The following GZF1 variants were observed in gnomAD, a reference collection of about 807,000 sequenced individuals.
GZF1 encodes GDNF-inducible zinc finger protein 1.
Under a neutral mutation model 49.4 loss-of-function variants are expected in GZF1, and 28 were observed. That is an observed-to-expected ratio of 0.57 (90% confidence interval 0.42 to 0.78). The LOEUF (loss-of-function observed/expected upper bound fraction) is 0.78, where lower values mean the gene tolerates loss of function less well. Among genes scored for constraint, GZF1 ranks in the 30% least tolerant of loss-of-function variants. GZF1 has a pLI of 0.00. For missense variants in GZF1, 798 were observed against 916.2 expected, an observed-to-expected ratio of 0.87 and a Z score of 1.67; for synonymous variants, 364 against 356.0, an observed-to-expected ratio of 1.02 and a Z score of -0.25.
chr20:23,361,743 G>T (rs1159243664), upstream of GZF1, among the ~76,000 whole-genome samples: 2 of 152,238 alleles, frequency 1.3e-5, no homozygotes, highest in Non-Finnish European at 2.9e-5. Flanking sequence ...CGGCCTCGGG[G>T]ACGTGAGCAG....
At position 23,369,838 on chromosome 20, in the gene GZF1, C is replaced by T. The variant is rs1051232674; in HGVS notation, c.1785+97C>T. 64 of 1,325,474 alleles carry T rather than the reference C, an allele frequency of 4.8e-5. 2 individuals are homozygous for T. The Admixed American group carries it at 1.2e-3, about 25-fold the overall frequency. 82.1% of individuals were successfully genotyped at this position (1,325,474 alleles called of 1,614,324 possible). On this transcript the variant is annotated intron_variant, in intron 5 of 5. Transcript: ENST00000338121. Reference sequence around the variant, plus strand: ...ACCATTCTCCAAGGTGGTTAGAGGTCGAGACAACAGGTACTTTCTCCTTGG... The same window carrying T: ...ACCATTCTCCAAGGTGGTTAGAGGTTGAGACAACAGGTACTTTCTCCTTGG...
chr20:23,364,229 A>G (rs1427339932), intron 1 of GZF1, 134 bp from the exon 2 acceptor site: 1 of 536,296 alleles, frequency 1.9e-6, no homozygotes, highest in Non-Finnish European at 3.2e-6. Flanking sequence ...GTAAAATGTC[A>G]TTCGAATCTT....
chr20:23,365,228 G>T lies in GZF1; in HGVS notation c.845G>T (p.Cys282Phe). The stretch of plus-strand genomic sequence containing the variant: ...GAGCAGGTTTCCAAAAATGAGGGTT[G>T]CCAGGCAGGTGCTGAGTTGGAGGAA... ...EMEQVSKNEGCQAGAELEELS... is the reference protein window; with the variant it reads ...EMEQVSKNEGFQAGAELEELS... Residue 282 changes from cysteine (C) to phenylalanine (F), a missense_variant, in exon 2 of 6, where the codon TGC (cysteine) becomes TTC (phenylalanine). This residue lies in a region of GZF1 where 247 missense variants were observed against 228.5 expected (regional missense o/e 1.08). Transcript: ENST00000338121. 6.2e-7 allele frequency: 1 copy of T among 1,603,150 alleles called. No homozygotes were observed. Among genetic ancestry groups the T allele is most frequent in the Non-Finnish European group, 8.5e-7 (1 of 1,174,058 alleles).
chr20:23,361,660 A>T (rs932420803), upstream of GZF1, among the ~76,000 whole-genome samples: 6 of 152,182 alleles, frequency 3.9e-5, no homozygotes, highest in Non-Finnish European at 1.5e-5. Flanking sequence ...CCTAGTAGCC[A>T]AGGTGAGTAC....
intron 3 of GZF1, among the ~76,000 whole-genome samples, 189 bp from the exon 4 acceptor site, chr20:23,368,573 C>T (rs549393680): frequency 6.6e-6 from 1 of 152,282 alleles, no homozygotes; most frequent in South Asian, 2.1e-4. Flanking sequence ...GGATATTTTA[C>T]ACCAACTTTC....
intron 3 of GZF1, 126 bp from the exon 4 acceptor site, chr20:23,368,636 G>T: frequency 2.0e-6 from 1 of 503,026 alleles, no homozygotes; most frequent in Admixed American, 4.0e-5. Flanking sequence ...GTTTTTACTG[G>T]AAAATGTAAC....
chr20:23,364,448 A>G lies in GZF1; in HGVS notation c.65A>G (p.His22Arg). 1.2e-6 allele frequency: 2 copies of G among 1,614,036 alleles called. No individual in the cohort carries two copies. Among genetic ancestry groups the G allele is most frequent in the Non-Finnish European group, 1.7e-6 (2 of 1,179,896 alleles). The change falls in exon 2 of 6, where the codon CAT (histidine) becomes CGT (arginine). Residue 22 changes from histidine to arginine, a missense_variant. Around this residue, in one of 3 missense-constraint regions of GZF1, gnomAD observed 105 missense variants for 147.5 expected, o/e 0.71. Coordinates refer to ENST00000338121, the MANE Select transcript of GZF1 (RefSeq NM_022482.5). ...SSPFNLLHEM[H>R]ELRLLGHLCD... ...CCATTTAACCTACTGCATGAGATGCATGAGCTTCGCCTCCTGGGTCACCTG... is the reference window on the plus strand; with the variant it reads ...CCATTTAACCTACTGCATGAGATGCGTGAGCTTCGCCTCCTGGGTCACCTG...
chr20:23,372,560 T>C lies in GZF1; in HGVS notation c.*2119T>C, dbSNP rs1982177202. On this transcript the variant is annotated 3_prime_UTR_variant, in exon 6 of 6. Transcript: ENST00000338121. ...CAATGTAAAAAGTAGGCATCAAAGATACGACTTCTACTATATACATTTCTC... is the reference window on the plus strand; with the variant it reads ...CAATGTAAAAAGTAGGCATCAAAGACACGACTTCTACTATATACATTTCTC... 1 of 152,204 alleles carries C rather than the reference T, an allele frequency of 6.6e-6. No homozygotes were observed. The highest frequency in any genetic ancestry group is 1.5e-5 in the Non-Finnish European group (1 of 68,036). 9.4% of individuals were successfully genotyped at this position (152,204 alleles called of 1,614,324 possible).
Position 23,367,046 on chromosome 20 carries a change from G to T in GZF1, c.1408G>T (p.Ala470Ser). ...ACCTTTTGTCTGTGATGAATGTGGT[G>T]CAAGATTCACTCAGAACCACATGCT... ...EKPFVCDECG[A>S]RFTQNHMLIY... Residue 470 changes from alanine (A) to serine (S), a missense_variant, in exon 3 of 6, where the codon GCA becomes TCA. Transcript: ENST00000338121. The T allele has an allele frequency of 6.2e-7, 1 of 1,613,282 alleles. No homozygotes were observed. The highest frequency in any genetic ancestry group is 1.1e-5 in the South Asian group (1 of 91,082).
chr20:23,366,950 A>G, intron 2 of GZF1, 53 bp from the exon 3 acceptor site: 2 of 1,278,932 alleles, frequency 1.6e-6, no homozygotes, highest in Non-Finnish European at 2.3e-6. Context: ...ATTGTATTGC[A>G]AAGTGAGCTT....
intron 4 of GZF1, 135 bp downstream of exon 4, chr20:23,369,064 C>T (rs1019816276): frequency 1.5e-6 from 1 of 684,618 alleles, no homozygotes. Flanking sequence ...GTCATAATAG[C>T]ATTTCTTTAG....
chr20:23,362,795 A>G (rs1354506096), intron 1 of GZF1: 2 of 152,292 alleles, frequency 1.3e-5, no homozygotes, highest in Admixed American at 6.5e-5. Context: ...GCACTCCAGT[A>G]GCCAAGCAAC....
At chr20:23,367,201 G>C (rs975798951) in intron 3 of GZF1, 104 bp downstream of exon 3, 2 of 763,840 alleles carry the variant, frequency 2.6e-6, no homozygotes, top group Non-Finnish European at 4.5e-6. Context: ...GCAGGTTAAA[G>C]CCATGATATA....
rs3746733 is a variant in GZF1 at position 23,369,112 on chromosome 20, C to T, written c.1627+183C>T. On this transcript the variant is annotated intron_variant, in intron 4 of 5. Coordinates refer to ENST00000338121, the MANE Select transcript of GZF1 (RefSeq NM_022482.5). Reference sequence around the variant, plus strand: ...ACTCTGAGAAACTGAAAAGTGGGAGCACTTATGTGTGTAAACGGGAGAAGA... The same window carrying T: ...ACTCTGAGAAACTGAAAAGTGGGAGTACTTATGTGTGTAAACGGGAGAAGA... 0.075 allele frequency among the ~76,000 whole-genome samples: 11,485 copies of T among 152,256 alleles called. 667 individuals are homozygous for T. Among genetic ancestry groups the T allele is most frequent in the East Asian group, 0.3 (1,548 of 5,176 alleles).
chr20:23,364,404 G>T lies in GZF1; in HGVS notation c.21G>T (p.Leu7=). MESGAV[L]LESKSSPFNL... is the part of the protein sequence containing the mutation. The stretch of plus-strand genomic sequence containing the variant: ...GAAAGATGGAAAGCGGTGCAGTTCT[G>T]CTGGAATCCAAATCCTCCCCATTTA... The change falls in exon 2 of 6, where the codon CTG becomes CTT. Residue 7 remains leucine (L), a synonymous_variant. Transcript: ENST00000338121. The T allele has an allele frequency of 2.5e-6, 4 of 1,596,478 alleles. No individual in the cohort carries two copies. The South Asian group carries it at 3.4e-5, about 13-fold the overall frequency.
rs1348601291 is a variant in GZF1 at position 23,370,539 on chromosome 20, G to T, written c.*98G>T. ...AAAATAATTGTCCATGTGCAAAGAT[G>T]TGGGCAAGAATGGCCTCTGCAGATT... On this transcript the variant is annotated 3_prime_UTR_variant, in exon 6 of 6. Transcript: ENST00000338121. 8.4e-6 allele frequency: 7 copies of T among 832,008 alleles called. No homozygotes were observed. Among genetic ancestry groups the T allele is most frequent in the Non-Finnish European group, 1.4e-5 (7 of 515,028 alleles). The allele number at this position is 832,008 out of a possible 1,614,324, so 51.5% of individuals were successfully genotyped here.
Position 23,372,257 on chromosome 20 carries a change from T to A in GZF1, c.*1816T>A, listed in dbSNP as rs1009906660. The A allele has an allele frequency of 2.6e-5, 4 of 152,764 alleles. No individual in the cohort carries two copies. The highest frequency in any genetic ancestry group is 6.5e-5 in the Admixed American group (1 of 15,306). 9.5% of individuals were successfully genotyped at this position (152,764 alleles called of 1,614,324 possible). A position where few individuals can be genotyped will look rare whatever the true frequency, so the allele number is the denominator to read the frequency against. On this transcript the variant is annotated 3_prime_UTR_variant, in exon 6 of 6. Coordinates refer to ENST00000338121, the MANE Select transcript of GZF1 (RefSeq NM_022482.5). ...AAATGTCTGCTTTGTAAAAGCAGTT[T>A]TGCAATTTTTTAAAGATCTATTTCT...
chr20:23,369,635 A>G lies in GZF1; in HGVS notation c.1679A>G (p.Asn560Ser), dbSNP rs763535558. 5 of 1,612,432 alleles carry G rather than the reference A, an allele frequency of 3.1e-6. No individual in the cohort carries two copies. Among genetic ancestry groups the G allele is most frequent in the Admixed American group, 1.7e-5 (1 of 59,910 alleles). ...TGCGGCAAGCAGTTCACCCAGCTCA[A>G]CGCCCTCCAGCGCCACCGCCGCATC... ...DQCGKQFTQL[N>S]ALQRHRRIHT... is the part of the protein sequence containing the mutation. The change falls in exon 5 of 6, where the codon AAC becomes AGC. Residue 560 changes from asparagine (N) to serine (S), a missense_variant. Asn to Ser is a conservative substitution (Grantham distance 46). Transcript: ENST00000338121.
At chr20:23,363,693 G>A (rs1387083810) in intron 1 of GZF1, among the ~76,000 whole-genome samples, 1 of 152,212 alleles carries the variant, frequency 6.6e-6, no homozygotes, top group East Asian at 1.9e-4. Flanking sequence ...GTAACAGCCG[G>A]TCAGCCTTCT....
Sources: allele counts gnomAD v4.1 joint callset (sites outside exome capture counted in the v4.1 genomes callset), GRCh38; gene constraint gnomAD v4.1.1; regional missense constraint gnomAD v4.1.1; transcripts MANE v1.5; gene names NCBI Gene and HGNC (gene_info 2026-07-23, HGNC 2026-07-21).